Variants in ATP8B4 observed in about 807,000 individuals in gnomAD.
ATP8B4 encodes the protein probable phospholipid-transporting ATPase IM.
ATP8B4 carries 133 observed loss-of-function variants against 145.6 expected under a neutral mutation model. That is an observed-to-expected ratio of 0.91 (90% CI 0.79 to 1.05). The LOEUF is 1.05. ATP8B4 is among the 50% of genes least tolerant of loss of function. The pLI, the probability that ATP8B4 is intolerant of heterozygous loss-of-function variation, is 0.00. For synonymous variants in ATP8B4, 507 were observed against 492.9 expected (o/e 1.03, Z -0.38); for missense variants, 1,458 against 1,425.2 (o/e 1.02, Z -0.37).
intron 23 of ATP8B4, among the ~76,000 whole-genome samples, chr15:49,886,405 G>A (rs980751393): frequency 6.6e-6 from 1 of 152,204 alleles, no homozygotes; most frequent in Non-Finnish European, 1.5e-5. Context: ...AAGGAAGAAA[G>A]GAGGGAGGAT....
chr15:49,866,096 A>G (rs933422786), intron 26 of ATP8B4, among the ~76,000 whole-genome samples: 2 of 152,206 alleles, frequency 1.3e-5, no homozygotes, highest in Admixed American at 6.5e-5. Flanking sequence ...GCAAAGAGAC[A>G]GCCTACTACA....
chr15:50,061,989 T>C (rs2053060674), intron 3 of ATP8B4, among the ~76,000 whole-genome samples: 1 of 152,228 alleles, frequency 6.6e-6, no homozygotes, highest in Admixed American at 6.5e-5. Context: ...TGTCTAATAC[T>C]GTTATTTCAT....
At chr15:50,119,903 C>A (rs1245496662), upstream of ATP8B4, among the ~76,000 whole-genome samples, 1 of 151,866 alleles carries the variant, frequency 6.6e-6, no homozygotes, top group Non-Finnish European at 1.5e-5. Context: ...CAAACATTAA[C>A]CCTGATGGTA....
At chr15:49,892,088 C>G (rs992117111) in intron 23 of ATP8B4, among the ~76,000 whole-genome samples, 16 of 148,714 alleles carry the variant, frequency 1.1e-4, no homozygotes, top group African/African-American at 4.0e-4. Flanking sequence ...CGCACTCCAG[C>G]TTGGCAACAG....
At chr15:50,027,018 A>G (rs1159062173) in intron 6 of ATP8B4, among the ~76,000 whole-genome samples, 1 of 152,046 alleles carries the variant, frequency 6.6e-6, no homozygotes, top group Non-Finnish European at 1.5e-5. Flanking sequence ...GGGTTCTCCA[A>G]TGCTCTCCCC....
At chr15:50,133,492 C>T (rs2044076893) in intron 1 of ATP8B4, among the ~76,000 whole-genome samples, 1 of 151,924 alleles carries the variant, frequency 6.6e-6, no homozygotes, top group Non-Finnish European at 1.5e-5. Context: ...GGCTGAGTAG[C>T]TACTCAGGTG....
chr15:50,123,948 T>C (rs1486017266), upstream of ATP8B4, among the ~76,000 whole-genome samples: 3 of 152,160 alleles, frequency 2.0e-5, no homozygotes, highest in Non-Finnish European at 4.4e-5. Context: ...AATTCAAAGT[T>C]TTAGTATTTT....
At position 49,897,516 on chromosome 15, in the gene ATP8B4, C is replaced by A. The variant is rs772011578; in HGVS notation, c.2474-1G>T. On this transcript the variant is annotated splice_acceptor_variant, in intron 22 of 27. Transcript: ENST00000284509. LOFTEE classifies it high-confidence loss of function. ...CTGATGCCAACACCAATGTGAGCAC[C>A]TACAAAGGAAAGAGGAACACTGTCA... 1 of 1,525,260 alleles carries A rather than the reference C, an allele frequency of 6.6e-7. No homozygotes were observed. The highest frequency in any genetic ancestry group is 8.8e-7 in the Non-Finnish European group (1 of 1,136,222). The allele number at this position is 1,525,260 out of a possible 1,614,324, so 94.5% of individuals were successfully genotyped here. A position where few individuals can be genotyped will look rare whatever the true frequency, so the allele number is the denominator to read the frequency against.
At chr15:50,064,043 C>T (rs549402895) in intron 3 of ATP8B4, among the ~76,000 whole-genome samples, 1 of 152,032 alleles carries the variant, frequency 6.6e-6, no homozygotes, top group Non-Finnish European at 1.5e-5. Flanking sequence ...AAAGCACAGA[C>T]AGGACATGGA....
chr15:50,028,389 G>A (rs180680981), intron 6 of ATP8B4, among the ~76,000 whole-genome samples: 2 of 152,290 alleles, frequency 1.3e-5, no homozygotes. Flanking sequence ...GTTTAAAAAT[G>A]TTCCAGTGTT....
At chr15:50,072,676 A>T (rs2053818228) in intron 3 of ATP8B4, among the ~76,000 whole-genome samples, 1 of 151,544 alleles carries the variant, frequency 6.6e-6, no homozygotes, top group South Asian at 2.1e-4. Flanking sequence ...GGCTGGAGTG[A>T]GTGCAATGGT....
intron 2 of ATP8B4, among the ~76,000 whole-genome samples, chr15:50,085,769 T>C (rs760104781): frequency 2.0e-4 from 30 of 147,444 alleles, no homozygotes; most frequent in Admixed American, 3.5e-4. Flanking sequence ...TGTATATGCA[T>C]ATGTATGTAT....
intron 20 of ATP8B4, among the ~76,000 whole-genome samples, chr15:49,908,604 C>T (rs2038884218): frequency 3.3e-5 from 5 of 152,068 alleles, no homozygotes; most frequent in Admixed American, 3.3e-4. Context: ...GTGCCATTGC[C>T]CCAGAGAGGG....
chr15:49,998,127 T>C (rs2153557226), intron 8 of ATP8B4, among the ~76,000 whole-genome samples: 1 of 152,326 alleles, frequency 6.6e-6, no homozygotes, highest in South Asian at 2.1e-4. Flanking sequence ...TCATTTTGAA[T>C]TACTTCCTCA....
At chr15:50,067,898 T>C (rs534217866) in intron 3 of ATP8B4, among the ~76,000 whole-genome samples, 115 of 152,318 alleles carry the variant, frequency 7.5e-4, no homozygotes, top group African/African-American at 2.6e-3. Context: ...CAAACATACA[T>C]GTTGCTAGGT....
At chr15:49,899,534 A>G (rs909286805) in intron 21 of ATP8B4, among the ~76,000 whole-genome samples, 2 of 152,194 alleles carry the variant, frequency 1.3e-5, no homozygotes, top group Non-Finnish European at 2.9e-5. Context: ...GTTCAAACCT[A>G]TAATTCCTAG....
intron 20 of ATP8B4, among the ~76,000 whole-genome samples, chr15:49,905,122 A>C (rs2038458090): frequency 6.6e-6 from 1 of 152,240 alleles, no homozygotes; most frequent in Non-Finnish European, 1.5e-5. Flanking sequence ...CAGCTACAGC[A>C]GCAAAATTAA....
At chr15:49,908,134 A>G (rs1162674522) in intron 20 of ATP8B4, 1 of 455,998 alleles carries the variant, frequency 2.2e-6, no homozygotes, top group South Asian at 1.5e-5. Context: ...GAGGTAATAC[A>G]TGTGTACTGC....
chr15:49,956,452 G>A (rs1327169339), intron 14 of ATP8B4, among the ~76,000 whole-genome samples: 1 of 152,156 alleles, frequency 6.6e-6, no homozygotes, highest in African/African-American at 2.4e-5. Flanking sequence ...AATAAACACT[G>A]GCCTTGGACT....
Sources: gnomAD v4.1 joint callset for allele counts (sites outside exome capture counted in the v4.1 genomes callset) on GRCh38, gnomAD v4.1.1 for gene constraint, MANE v1.5 for transcripts, NCBI Gene and HGNC (gene_info 2026-07-23, HGNC 2026-07-21) for gene names.